Variants in ZNF385D observed in about 807,000 individuals in gnomAD.
The protein encoded by ZNF385D is zinc finger protein 659.
Under a neutral mutation model 35.8 loss-of-function variants are expected in ZNF385D, and 15 were observed. The observed-to-expected ratio is 0.42, with a 90% CI of 0.28 to 0.64. The LOEUF (loss-of-function observed/expected upper bound fraction) is 0.64. ZNF385D is among the 30% of genes least tolerant of loss of function. ZNF385D has a pLI of 0.23. For missense variants in ZNF385D, 474 were observed against 494.6 expected, an observed-to-expected ratio of 0.96 and a Z score of 0.39; for synonymous variants, 212 against 186.8, an observed-to-expected ratio of 1.13 and a Z score of -1.10.
At chr3:21,815,059 T>C (rs1324943371) in intron 3 of ZNF385D, among the ~76,000 whole-genome samples, 1 of 152,170 alleles carries the variant, frequency 6.6e-6, no homozygotes, top group Non-Finnish European at 1.5e-5. Context: ...ACATGGAAAC[T>C]GAACAACCTG....
Position 22,103,400 on chromosome 3 carries a change from A to T in ZNF385D, c.325+65417T>A, listed in dbSNP as rs1702043318. On this transcript the variant is annotated intron_variant, in intron 3 of 5. Transcript: ENST00000494108. ...AAAATTATAGACCTACAAAGTAAAC[A>T]TCTGCTCCACATGCTACTCAAGTCC... Among the ~76,000 whole-genome samples, 3 of 152,136 alleles carry T rather than the reference A, an allele frequency of 2.0e-5. No homozygotes were observed. The South Asian group carries it at 6.2e-4, about 32-fold the overall frequency.
intron 3 of ZNF385D, among the ~76,000 whole-genome samples, chr3:22,088,745 T>G (rs909714476): frequency 7.2e-5 from 11 of 152,052 alleles, no homozygotes; most frequent in African/African-American, 2.4e-4. Flanking sequence ...ATTCCCAAGA[T>G]AAGACCTTAG....
intron 3 of ZNF385D, among the ~76,000 whole-genome samples, chr3:21,932,643 T>G (rs1701071047): frequency 6.6e-6 from 1 of 151,788 alleles, no homozygotes; most frequent in Admixed American, 6.6e-5. Flanking sequence ...CTTAAGAAAG[T>G]TAAGGAGGTT....
At chr3:22,220,060 C>CTTTTTTT (rs539089821) in intron 2 of ZNF385D, among the ~76,000 whole-genome samples, 2 of 144,678 alleles carry the variant, frequency 1.4e-5, no homozygotes, top group Admixed American at 1.4e-4. Flanking sequence ...TTCTTTCTTC[C>CTTTTTTT]TTTTTTTTTT....
At chr3:22,119,524 G>A (rs1158121827) in intron 3 of ZNF385D, among the ~76,000 whole-genome samples, 1 of 151,932 alleles carries the variant, frequency 6.6e-6, no homozygotes, top group Non-Finnish European at 1.5e-5. Context: ...TTTTTCAACT[G>A]GTTTTGATTC....
chr3:22,244,364 T>TAAAAAAAAAA (rs34497539), intron 2 of ZNF385D, among the ~76,000 whole-genome samples: 9 of 62,558 alleles, frequency 1.4e-4, no homozygotes, highest in Non-Finnish European at 2.5e-4. Flanking sequence ...CAACCGAATG[T>TAAAAAAAAAA]AAAAAAAAAA....
chr3:22,341,899 T>C (rs1005494489), intron 2 of ZNF385D, among the ~76,000 whole-genome samples: 1 of 152,220 alleles, frequency 6.6e-6, no homozygotes, highest in Non-Finnish European at 1.5e-5. Flanking sequence ...ATTTGAGCTA[T>C]TACTGTTAAT....
chr3:22,180,914 C>CTTTTTTTTTTTTTT lies in ZNF385D; in HGVS notation c.107-11893_107-11880dup, dbSNP rs61668943. On this transcript the variant is annotated intron_variant, in intron 2 of 5. Coordinates refer to the ZNF385D transcript ENST00000494108. ...AATCCAGTAGCTATATGCTTTTGTTCTTTTTTTTTTTTTTTTAAGAGACAG... is the reference window on the plus strand; with the variant it reads ...AATCCAGTAGCTATATGCTTTTGTTCTTTTTTTTTTTTTTTTTTTTTTTTTTTTTTAAGAGACAG... Among the ~76,000 whole-genome samples the CTTTTTTTTTTTTTT allele has an allele frequency of 7.5e-3, 849 of 112,816 alleles. 26 individuals carry two copies. The highest frequency in any genetic ancestry group is 0.011 in the Non-Finnish European group (653 of 59,290). 74.0% of individuals were successfully genotyped at this position (112,816 alleles called of 152,430 possible).
intron 3 of ZNF385D, among the ~76,000 whole-genome samples, chr3:21,852,227 C>A (rs530481750): frequency 2.0e-5 from 3 of 151,920 alleles, no homozygotes; most frequent in Non-Finnish European, 4.4e-5. Flanking sequence ...CTACAGGATA[C>A]ACTTTATATG....
intron 3 of ZNF385D, among the ~76,000 whole-genome samples, chr3:21,856,387 C>T (rs762462054): frequency 9.2e-5 from 14 of 152,114 alleles, no homozygotes; most frequent in South Asian, 2.1e-4. Flanking sequence ...AATATTTTCT[C>T]GTCTTTCTGA....
chr3:22,122,391 CAAT>C (rs1006584823), intron 3 of ZNF385D, among the ~76,000 whole-genome samples: 5 of 151,862 alleles, frequency 3.3e-5, no homozygotes, highest in African/African-American at 1.2e-4. Flanking sequence ...TCTCATTTCC[CAAT>C]AATAGTATTT....
intron 1 of ZNF385D, among the ~76,000 whole-genome samples, chr3:21,678,003 T>C (rs1416815264): frequency 2.6e-5 from 4 of 152,060 alleles, no homozygotes; most frequent in Non-Finnish European, 5.9e-5. Context: ...GCATATATTA[T>C]TCATCAATTA....
intron 2 of ZNF385D, among the ~76,000 whole-genome samples, chr3:22,222,548 T>A (rs1698320400): frequency 6.6e-6 from 1 of 152,188 alleles, no homozygotes; most frequent in African/African-American, 2.4e-5. Context: ...ACTTGCTTTA[T>A]CTCTGGACTT....
chr3:21,511,787 G>T (rs1707230274), intron 3 of ZNF385D: 3 of 455,068 alleles, frequency 6.6e-6, no homozygotes, highest in African/African-American at 6.0e-5. Flanking sequence ...AGTTTAGAGT[G>T]ATATGCATTT....
chr3:21,713,516 C>A (rs914582881), intron 1 of ZNF385D, among the ~76,000 whole-genome samples: 1 of 152,132 alleles, frequency 6.6e-6, no homozygotes, highest in Non-Finnish European at 1.5e-5. Context: ...CCTTCTCTCT[C>A]CTAGCTTCAA....
At chr3:22,242,527 A>G (rs1457130848) in intron 2 of ZNF385D, among the ~76,000 whole-genome samples, 1 of 151,006 alleles carries the variant, frequency 6.6e-6, no homozygotes, top group Non-Finnish European at 1.5e-5. Context: ...ATGAGAAAAA[A>G]AAACTCAAAA....
At chr3:21,749,676 AT>A (rs5847132) in intron 1 of ZNF385D, among the ~76,000 whole-genome samples, 4,199 of 152,324 alleles carry the variant, frequency 0.028, 189 homozygotes, top group African/African-American at 0.096. Flanking sequence ...ATTTTCAGCT[AT>A]TTTAAGACTT....
intron 2 of ZNF385D, among the ~76,000 whole-genome samples, chr3:22,207,375 A>T (rs920849548): frequency 2.0e-5 from 3 of 151,956 alleles, no homozygotes; most frequent in African/African-American, 7.2e-5. Context: ...GTGCTATGAA[A>T]AACTGGACAC....
intron 3 of ZNF385D, among the ~76,000 whole-genome samples, chr3:22,000,039 C>T (rs988037497): frequency 1.3e-5 from 2 of 152,146 alleles, no homozygotes; most frequent in Admixed American, 6.5e-5. Context: ...GGCATGGTGG[C>T]TCACGCCTGT....
Sources: gnomAD v4.1 joint callset for allele counts (sites outside exome capture counted in the v4.1 genomes callset) on GRCh38, gnomAD v4.1.1 for gene constraint, MANE v1.5 for transcripts, NCBI Gene and HGNC (gene_info 2026-07-23, HGNC 2026-07-21) for gene names.